Variants in ANO2 observed in about 807,000 individuals in gnomAD.
The protein encoded by ANO2 is anoctamin 2.
A neutral mutation model predicts 124.2 loss-of-function variants in ANO2; 101 were observed. The observed-to-expected ratio is 0.81, with a 90% CI of 0.69 to 0.96. The LOEUF (loss-of-function observed/expected upper bound fraction) is 0.96, where lower values mean the gene tolerates loss of function less well. Among genes scored for constraint, ANO2 ranks in the 40% least tolerant of loss-of-function variants. The pLI, the probability that ANO2 is intolerant of heterozygous loss-of-function variation, is 0.00. For synonymous variants in ANO2, 486 were observed against 482.5 expected, an observed-to-expected ratio of 1.01 and a Z score of -0.09; for missense variants, 1,293 against 1,274.5, an observed-to-expected ratio of 1.01 and a Z score of -0.22.
intron 3 of ANO2, among the ~76,000 whole-genome samples, chr12:5,857,700 C>A (rs764448368): frequency 6.6e-6 from 1 of 151,860 alleles, no homozygotes; most frequent in African/African-American, 2.4e-5. Context: ...AGATCCTTTG[C>A]CCAGTTTTTA....
chr12:5,762,487 G>A (rs937714821), intron 10 of ANO2, among the ~76,000 whole-genome samples: 5 of 151,862 alleles, frequency 3.3e-5, no homozygotes, highest in African/African-American at 4.8e-5. Flanking sequence ...AATGATAAGA[G>A]AAACAACACT....
Position 5,599,643 on chromosome 12 carries a change from G to T in ANO2, c.2088-14C>A, listed in dbSNP as rs746426950. The T allele has an allele frequency of 6.2e-7, 1 of 1,612,560 alleles. No homozygotes were observed. The highest frequency in any genetic ancestry group is 8.5e-7 in the Non-Finnish European group (1 of 1,179,548). On this transcript the variant is annotated splice_polypyrimidine_tract_variant and intron_variant, in intron 19 of 24. Coordinates refer to ENST00000682330, the MANE Select transcript of ANO2 (RefSeq NM_001364791.2). ...TTCTTTAGCTTCCTGGAAAAGAAATGGATTAAGTTACAAAAAGCCTCTGGA... is the reference window on the plus strand; with the variant it reads ...TTCTTTAGCTTCCTGGAAAAGAAATTGATTAAGTTACAAAAAGCCTCTGGA...
At chr12:5,810,087 C>T (rs1037507304) in intron 7 of ANO2, among the ~76,000 whole-genome samples, 6 of 152,288 alleles carry the variant, frequency 3.9e-5, no homozygotes, top group Middle Eastern at 3.4e-3. Context: ...AACCAGAGCC[C>T]CCAAAATGCC....
Position 5,769,947 on chromosome 12 carries a change from T to C in ANO2, c.1056-18977A>G, listed in dbSNP as rs1731871041. On this transcript the variant is annotated intron_variant, in intron 10 of 24. Transcript: ENST00000682330. The surrounding 1 kb of genome is among the most constrained non-coding windows in gnomAD (Gnocchi z 4.0). ...CCCTCGGCTGGGCACCTATGGGCAA[T>C]GTACAAAATTCACAAGCCTGTGTGG... Among the ~76,000 whole-genome samples the C allele has an allele frequency of 6.6e-6, 1 of 152,100 alleles. No individual in the cohort carries two copies. The highest frequency in any genetic ancestry group is 2.4e-5 in the African/African-American group (1 of 41,428).
chr12:5,818,355 A>G (rs989067020), intron 7 of ANO2, among the ~76,000 whole-genome samples: 1 of 150,710 alleles, frequency 6.6e-6, no homozygotes, highest in Non-Finnish European at 1.5e-5. Context: ...TCGGACTCCA[A>G]GTTCTTCAGT....
chr12:5,682,333 CTCTT>C (rs1183674516), intron 14 of ANO2, among the ~76,000 whole-genome samples: 6 of 123,534 alleles, frequency 4.9e-5, no homozygotes, highest in African/African-American at 1.1e-4. Flanking sequence ...CTCTCTCTTT[CTCTT>C]TCTCTCTCTC....
chr12:5,732,393 C>T, intron 14 of ANO2, 127 bp downstream of exon 14: 1 of 702,490 alleles, frequency 1.4e-6, no homozygotes, highest in Non-Finnish European at 2.4e-6. Context: ...GTCATGCTCT[C>T]ATCTCATCCT....
At chr12:5,595,949 T>C (rs1355139873) in intron 20 of ANO2, among the ~76,000 whole-genome samples, 1 of 152,222 alleles carries the variant, frequency 6.6e-6, no homozygotes, top group Admixed American at 6.5e-5. Flanking sequence ...TGAAAGGGTA[T>C]TCTCATATAT....
intron 10 of ANO2, among the ~76,000 whole-genome samples, chr12:5,793,752 A>C (rs1196544893): frequency 6.6e-6 from 1 of 152,216 alleles, no homozygotes; most frequent in African/African-American, 2.4e-5. Context: ...TGAGGCTAGG[A>C]GGCCACCCTC....
At chr12:5,701,772 A>G (rs1282125139) in intron 14 of ANO2, among the ~76,000 whole-genome samples, 1 of 152,146 alleles carries the variant, frequency 6.6e-6, no homozygotes, top group African/African-American at 2.4e-5. Flanking sequence ...GCCTTTATTC[A>G]TGCTAATTCC....
chr12:5,650,705 T>A (rs866334581), intron 14 of ANO2, among the ~76,000 whole-genome samples: 32 of 152,346 alleles, frequency 2.1e-4, no homozygotes, highest in African/African-American at 7.5e-4. Context: ...ATAGCCAGCA[T>A]ATAAGACAGT....
chr12:5,619,507 C>T (rs755331669), intron 16 of ANO2, among the ~76,000 whole-genome samples: 21 of 152,182 alleles, frequency 1.4e-4, no homozygotes, highest in Non-Finnish European at 2.6e-4. Flanking sequence ...TCATCACACG[C>T]ATTCCCTCCT....
At chr12:5,664,793 C>T (rs956369624) in intron 14 of ANO2, among the ~76,000 whole-genome samples, 1 of 152,168 alleles carries the variant, frequency 6.6e-6, no homozygotes, top group Non-Finnish European at 1.5e-5. Context: ...CGCATAGCCT[C>T]TCTCTCTCTT....
At chr12:5,750,024 G>A (rs1951389231) in intron 11 of ANO2, among the ~76,000 whole-genome samples, 1 of 151,716 alleles carries the variant, frequency 6.6e-6, no homozygotes, top group Non-Finnish European at 1.5e-5. Context: ...TCAAGCTCCT[G>A]GGCTCAAGCA....
chr12:5,793,512 A>G (rs1191706445), intron 10 of ANO2, among the ~76,000 whole-genome samples: 1 of 152,184 alleles, frequency 6.6e-6, no homozygotes, highest in East Asian at 1.9e-4. Context: ...TTTTCAGACT[A>G]ATATCAGCTT....
At chr12:5,838,874 G>A (rs915523112) in intron 4 of ANO2, among the ~76,000 whole-genome samples, 2 of 152,216 alleles carry the variant, frequency 1.3e-5, no homozygotes, top group Admixed American at 6.5e-5. Flanking sequence ...ACAGGAGGCT[G>A]CCTCTTTGCT....
chr12:5,782,519 T>C (rs1443243616), intron 10 of ANO2, among the ~76,000 whole-genome samples: 2 of 152,214 alleles, frequency 1.3e-5, no homozygotes, highest in South Asian at 2.1e-4. Context: ...ACTAACCTTG[T>C]TTTTTTCAGG....
intron 1 of ANO2, 72 bp downstream of exon 1, chr12:5,945,124 A>C: frequency 8.0e-7 from 1 of 1,255,288 alleles, no homozygotes. Context: ...GGGAGTTCGG[A>C]TGCCGCCTCC....
intron 14 of ANO2, among the ~76,000 whole-genome samples, chr12:5,654,097 A>G (rs916867251): frequency 9.9e-5 from 15 of 152,176 alleles, no homozygotes; most frequent in African/African-American, 3.4e-4. Context: ...TCAGAACAGA[A>G]TGAGACTTCT....
Sources: gnomAD v4.1 joint callset for allele counts (sites outside exome capture counted in the v4.1 genomes callset) on GRCh38, gnomAD v4.1.1 for gene constraint, Gnocchi (gnomAD v3.1) non-coding constraint, MANE v1.5 for transcripts, NCBI Gene and HGNC (gene_info 2026-07-23, HGNC 2026-07-21) for gene names.